AFF4: variants seen among roughly 807,000 people sequenced by gnomAD.
The protein encoded by AFF4 is AF4/FMR2 family member 4.
AFF4 carries 13 observed loss-of-function variants against 124.8 expected under a neutral mutation model. The ratio of observed to expected loss-of-function variants is 0.10; its 90% confidence interval spans 0.07 to 0.17. The LOEUF (loss-of-function observed/expected upper bound fraction) is 0.17. AFF4 is among the 10% of genes least tolerant of loss of function. The pLI, the probability that AFF4 is intolerant of heterozygous loss-of-function variation, is 1.00. For synonymous variants in AFF4, 477 were observed against 496.1 expected (o/e 0.96, Z 0.51); for missense variants, 1,092 against 1,403.8 (o/e 0.78, Z 3.55).
At position 132,896,441 on chromosome 5, in the gene AFF4, G is replaced by A; in HGVS notation, c.2189C>T (p.Pro730Leu). 2 of 1,614,144 alleles carry A rather than the reference G, an allele frequency of 1.2e-6. No homozygotes were observed. Among genetic ancestry groups the A allele is most frequent in the African/African-American group, 2.7e-5 (2 of 75,024 alleles). ...LNLLTRIPGK[P>L]YKETEPPKGE... ...CTTGGGCGGCTCTGTTTCTTTGTAA[G>A]GCTTTCCTGGTATTCTAGTCAAAAG... Residue 730 changes from proline (P) to leucine (L), a missense_variant, in exon 11 of 21, where the codon CCT (proline) becomes CTT (leucine). Transcript: ENST00000265343.
At chr5:132,905,048 CAAA>C (rs66981854) in intron 5 of AFF4, among the ~76,000 whole-genome samples, 5 of 118,362 alleles carry the variant, frequency 4.2e-5, no homozygotes, top group Non-Finnish European at 3.5e-5. Context: ...GACTCCATCT[CAAA>C]AAAAAAAAAA....
intron 11 of AFF4, among the ~76,000 whole-genome samples, chr5:132,894,633 C>G (rs1227728407): frequency 6.6e-6 from 1 of 152,212 alleles, no homozygotes; most frequent in East Asian, 1.9e-4. Flanking sequence ...CCTCCAGGTA[C>G]TGCCCTTGAC....
At chr5:132,921,462 CTTTTTTTTTTCT>C (rs1237888407) in intron 5 of AFF4, among the ~76,000 whole-genome samples, 10 of 129,536 alleles carry the variant, frequency 7.7e-5, no homozygotes, top group Admixed American at 2.4e-4. Flanking sequence ...CAGTTGTTTT[CTTTTTTTTTTCT>C]TTTTTTTTTT....
At position 132,934,261 on chromosome 5, in the gene AFF4, T is replaced by C. The variant is rs1404605716; in HGVS notation, c.804A>G (p.Pro268=). Reference sequence around the variant, plus strand: ...TGCTGTAGTGCTCAGAGGACAGCTTTGGTTCCATGGACTCCTGTCCGTCCA... The same window carrying C: ...TGCTGTAGTGCTCAGAGGACAGCTTCGGTTCCATGGACTCCTGTCCGTCCA... ...RPMDGQESME[P]KLSSEHYSSQ... is the part of the protein sequence containing the mutation. Residue 268 remains proline (P), a synonymous_variant, in exon 3 of 21, where the codon CCA becomes CCG. Transcript: ENST00000265343. 10 of 1,614,224 alleles carry C rather than the reference T, an allele frequency of 6.2e-6. No individual in the cohort carries two copies. The highest frequency in any genetic ancestry group is 8.5e-6 in the Non-Finnish European group (10 of 1,180,032).
rs184509105 is a variant in AFF4, at chr5:132,903,124, G to A, written c.1088-637C>T. 6.4e-3 allele frequency among the ~76,000 whole-genome samples: 967 copies of A among 152,032 alleles called. 4 individuals carry two copies. The highest frequency in any genetic ancestry group is 8.3e-3 in the Non-Finnish European group (563 of 67,968). On this transcript the variant is annotated intron_variant, in intron 6 of 20. Transcript: ENST00000265343. The stretch of plus-strand genomic sequence containing the variant: ...AGCATTCTTAAAAGATGACGACTAG[G>A]GAAAACAAGCTGAGAAAAAAAAGGA...
chr5:132,932,337 C>G, intron 3 of AFF4, 115 bp from the exon 4 acceptor site: 6 of 705,020 alleles, frequency 8.5e-6, no homozygotes, highest in Non-Finnish European at 1.1e-5. Flanking sequence ...TAAATCAGTA[C>G]ACTGGTTAGA....
rs1759878854 is a variant in AFF4, at chr5:132,877,913, G to A, written c.*3146C>T. On this transcript the variant is annotated 3_prime_UTR_variant, in exon 21 of 21. Transcript: ENST00000265343. The stretch of plus-strand genomic sequence containing the variant: ...TTCAAAGTGCAGCCCAAGTGCCTAT[G>A]AATCCGCCACTGCCAGAGCTCCCAG... 2.2e-5 allele frequency: 5 copies of A among 224,724 alleles called. No homozygotes were observed. In the Admixed American group the frequency reaches 2.3e-4, roughly 10 times the overall value. 13.9% of individuals were successfully genotyped at this position (224,724 alleles called of 1,614,324 possible).
intron 10 of AFF4, 49 bp from the exon 11 acceptor site, chr5:132,897,289 T>C (rs751673946): frequency 1.1e-5 from 17 of 1,563,880 alleles, no homozygotes; most frequent in Non-Finnish European, 1.5e-5. Context: ...GAATGCTTTT[T>C]TCGTTCTCCC....
intron 13 of AFF4, among the ~76,000 whole-genome samples, 184 bp from the exon 14 acceptor site, chr5:132,889,357 T>C (rs1760199271): frequency 2.6e-5 from 4 of 152,186 alleles, no homozygotes; most frequent in African/African-American, 9.7e-5. Context: ...GGGTCCATTT[T>C]ATATAACTGA....
chr5:132,942,492 T>C (rs1761595383), intron 1 of AFF4, among the ~76,000 whole-genome samples: 1 of 151,354 alleles, frequency 6.6e-6, no homozygotes, highest in Non-Finnish European at 1.5e-5. Flanking sequence ...AAGACAGAGT[T>C]TCGCTCTTGT....
At chr5:132,923,163 A>G (rs1469439665) in intron 5 of AFF4, among the ~76,000 whole-genome samples, 1 of 151,994 alleles carries the variant, frequency 6.6e-6, no homozygotes, top group Non-Finnish European at 1.5e-5. Context: ...GCAACAGAGC[A>G]AAACTTTGTC....
chr5:132,881,683 T>C (rs1252981042), intron 20 of AFF4, among the ~76,000 whole-genome samples: 1 of 152,168 alleles, frequency 6.6e-6, no homozygotes, highest in Non-Finnish European at 1.5e-5. Context: ...CTAAATCCCA[T>C]GTTTTTATTT....
Position 132,927,051 on chromosome 5 carries a change from A to C in AFF4, c.1050+70T>G. The C allele has an allele frequency of 3.0e-6, 4 of 1,332,682 alleles. No individual in the cohort carries two copies. The South Asian group carries it at 5.1e-5, about 17-fold the overall frequency. The allele number at this position is 1,332,682 out of a possible 1,614,324, so 82.6% of individuals were successfully genotyped here. Reference sequence around the variant, plus strand: ...GAATAGGAATGGCAAGACAATTTTTAATCCATATGATTTTAGTCAAGCCAT... The same window carrying C: ...GAATAGGAATGGCAAGACAATTTTTCATCCATATGATTTTAGTCAAGCCAT... On this transcript the variant is annotated intron_variant, in intron 5 of 20. Coordinates refer to ENST00000265343, the MANE Select transcript of AFF4 (RefSeq NM_014423.4).
At chr5:132,882,874 T>A (rs2525486) in intron 20 of AFF4, among the ~76,000 whole-genome samples, 92,740 of 143,068 alleles carry the variant, frequency 0.65, 30,147 homozygotes, top group South Asian at 0.79. Context: ...AAAAAAAAAA[T>A]TTCTATTCAT....
intron 5 of AFF4, chr5:132,926,174 T>C (rs770286810): frequency 2.3e-6 from 1 of 435,052 alleles, no homozygotes; most frequent in South Asian, 1.8e-5. Context: ...ATGTAATGAT[T>C]ATATATGTAT....
rs771676566 is a variant in AFF4 at position 132,934,948 on chromosome 5, AAAAAT to A, written c.124-12_124-8del. On this transcript the variant is annotated splice_region_variant and splice_polypyrimidine_tract_variant and intron_variant, in intron 2 of 20. Transcript: ENST00000265343. ...ACTTATCTTCTTTGCTAGTCTACAA[AAAAAT>A]AAAATAAAATAAAATTATAAAATGA... 8.3e-5 allele frequency: 126 copies of A among 1,512,942 alleles called. No homozygotes were observed. Among genetic ancestry groups the A allele is most frequent in the Admixed American group, 1.4e-4 (6 of 44,242 alleles). 93.7% of individuals were successfully genotyped at this position (1,512,942 alleles called of 1,614,324 possible).
intron 1 of AFF4, among the ~76,000 whole-genome samples, chr5:132,944,273 C>A (rs1174127718): frequency 1.3e-5 from 2 of 151,634 alleles, no homozygotes; most frequent in African/African-American, 2.4e-5. Context: ...GGAGGCGGAG[C>A]TTGCAGTGAG....
At chr5:132,931,522 A>C (rs1761299735) in intron 4 of AFF4, among the ~76,000 whole-genome samples, 1 of 152,274 alleles carries the variant, frequency 6.6e-6, no homozygotes, top group Non-Finnish European at 1.5e-5. Flanking sequence ...TATTTTGATC[A>C]TAATGGTTTG....
intron 1 of AFF4, chr5:132,937,547 C>T (rs1377082245): frequency 6.3e-6 from 1 of 159,328 alleles, no homozygotes; most frequent in Non-Finnish European, 1.4e-5. Context: ...GGGCCCTCCT[C>T]TTCAGAAATC....
Sources: allele counts gnomAD v4.1 joint callset (sites outside exome capture counted in the v4.1 genomes callset), GRCh38; gene constraint gnomAD v4.1.1; transcripts MANE v1.5; gene names NCBI Gene and HGNC (gene_info 2026-07-23, HGNC 2026-07-21).